REXO1: variants seen among roughly 807,000 people sequenced by gnomAD.
REXO1 encodes the protein REX1, RNA exonuclease 1 homolog.
REXO1 carries 42 observed loss-of-function variants against 102.6 expected under a neutral mutation model. The observed-to-expected ratio is 0.41, with a 90% CI of 0.32 to 0.53. The LOEUF (loss-of-function observed/expected upper bound fraction) is 0.53. Ranked by LOEUF, REXO1 falls within the 20% of genes least tolerant of loss-of-function variation. REXO1 has a pLI of 0.27. For synonymous variants in REXO1, 908 were observed against 779.1 expected, an observed-to-expected ratio of 1.17 and a Z score of -2.76; for missense variants, 1,819 against 1,732.5, an observed-to-expected ratio of 1.05 and a Z score of -0.89.
chr19:1,818,849 G>A lies in REXO1; in HGVS notation c.2765-6C>T. Reference sequence around the variant, plus strand: ...GCGGCTGTACAGGGCAGCCCCTGTGGACAGGCACAGTGGTCAGCCCCTGCC... The same window carrying A: ...GCGGCTGTACAGGGCAGCCCCTGTGAACAGGCACAGTGGTCAGCCCCTGCC... On this transcript the variant is annotated splice_region_variant and splice_polypyrimidine_tract_variant and intron_variant, in intron 8 of 15. Coordinates refer to ENST00000170168, the MANE Select transcript of REXO1 (RefSeq NM_020695.4). 1 of 1,609,166 alleles carries A rather than the reference G, an allele frequency of 6.2e-7. No individual in the cohort carries two copies. Among genetic ancestry groups the A allele is most frequent in the Non-Finnish European group, 8.5e-7 (1 of 1,179,466 alleles).
At chr19:1,840,291 C>T (rs1410988572) in intron 1 of REXO1, among the ~76,000 whole-genome samples, 2 of 152,186 alleles carry the variant, frequency 1.3e-5, no homozygotes, top group East Asian at 3.8e-4. Flanking sequence ...GAAGGAAACA[C>T]TGACCCAGAG....
chr19:1,820,502 G>A (rs1170768304), intron 5 of REXO1, 107 bp from the exon 6 acceptor site: 3 of 1,321,184 alleles, frequency 2.3e-6, no homozygotes, highest in Non-Finnish European at 3.2e-6. Context: ...AGAGTGAGGT[G>A]CGCTGGGACA....
rs2304614 is a variant in REXO1 at position 1,818,734 on chromosome 19, G to A, written c.2874C>T (p.Phe958=). ...CCTTGGGCCTCTTCTCCTCAGCTGT[G>A]AAGATGATTGCGCCCCCGGGCCGCT... is the stretch of plus-strand genomic sequence containing the variant. The part of the protein sequence containing the change: ...HPERPGGAII[F]TAEEKRPKDS... Residue 958 remains phenylalanine (F), a synonymous_variant, in exon 9 of 16, where the codon TTC becomes TTT. Transcript: ENST00000170168. 3.2e-4 allele frequency: 515 copies of A among 1,611,208 alleles called. 9 individuals carry two copies. In the East Asian group the frequency reaches 0.011, roughly 35 times the overall value.
intron 1 of REXO1, among the ~76,000 whole-genome samples, chr19:1,833,829 G>A (rs141049319): frequency 1.3e-5 from 2 of 152,246 alleles, no homozygotes; most frequent in African/African-American, 2.4e-5. Flanking sequence ...CCACTGTGGC[G>A]TGAGCTGCAG....
At chr19:1,816,643 C>A in intron 13 of REXO1, 55 bp downstream of exon 13, 1 of 1,590,882 alleles carries the variant, frequency 6.3e-7, no homozygotes, top group South Asian at 1.1e-5. Flanking sequence ...GAGGGTGGGT[C>A]CCTGGGGAGA....
rs556112794 is a variant in REXO1 at position 1,816,649 on chromosome 19, G to A, written c.3317+49C>T. On this transcript the variant is annotated intron_variant, in intron 13 of 15. Coordinates refer to ENST00000170168, the MANE Select transcript of REXO1 (RefSeq NM_020695.4). ...GGGGCGGGGGAGGGTGGGTCCCTGG[G>A]GAGAGGCGGCTGGGAGGGCTCCCAG... is the stretch of plus-strand genomic sequence containing the variant. 7.2e-5 allele frequency: 116 copies of A among 1,600,052 alleles called. No homozygotes were observed. The African/African-American group carries it at 1.3e-3, about 18-fold the overall frequency.
chr19:1,847,419 G>C (rs1381283353), intron 1 of REXO1, among the ~76,000 whole-genome samples: 1 of 152,166 alleles, frequency 6.6e-6, no homozygotes, highest in Non-Finnish European at 1.5e-5. Flanking sequence ...GAAGCAGAGA[G>C]CCACTATCAA....
rs945040661 is a variant in REXO1 at position 1,822,002 on chromosome 19, G to A, written c.2231-320C>T. ...GTCTGAGGGAAAGGCCCTGGCTCCCGGACAGAGGACCGAAGGGTCTCGGGT... is the reference window on the plus strand; with the variant it reads ...GTCTGAGGGAAAGGCCCTGGCTCCCAGACAGAGGACCGAAGGGTCTCGGGT... On this transcript the variant is annotated intron_variant, in intron 4 of 15. Transcript: ENST00000170168. 8.6e-5 allele frequency: 46 copies of A among 533,080 alleles called. 1 individual carries two copies. Among genetic ancestry groups the A allele is most frequent in the Middle Eastern group, 4.7e-4 (1 of 2,148 alleles). The allele number at this position is 533,080 out of a possible 1,614,324, so 33.0% of individuals were successfully genotyped here. A position where few individuals can be genotyped will look rare whatever the true frequency, so the allele number is the denominator to read the frequency against.
intron 1 of REXO1, among the ~76,000 whole-genome samples, chr19:1,830,114 C>T (rs536507006): frequency 6.6e-6 from 1 of 152,310 alleles, no homozygotes; most frequent in African/African-American, 2.4e-5. Flanking sequence ...CCGAAGGAGT[C>T]TAAAGAAAAC....
intron 4 of REXO1, 107 bp from the exon 5 acceptor site, chr19:1,821,789 C>T (rs763632581): frequency 8.8e-6 from 9 of 1,026,292 alleles, no homozygotes; most frequent in South Asian, 7.9e-5. Context: ...CGTGCATCTC[C>T]GCGTGCAGGG....
intron 7 of REXO1, among the ~76,000 whole-genome samples, chr19:1,819,524 G>A (rs1045181641): frequency 6.6e-6 from 1 of 152,346 alleles, no homozygotes; most frequent in African/African-American, 2.4e-5. Context: ...ATGCAGGCGG[G>A]GACGGGGGCA....
rs1355801987 is a variant in REXO1 at position 1,815,417 on chromosome 19, C to CA, written c.*648dup. 1.2e-5 allele frequency: 2 copies of CA among 167,030 alleles called. No homozygotes were observed. The highest frequency in any genetic ancestry group is 3.5e-4 in the East Asian group (2 of 5,658). 10.3% of individuals were successfully genotyped at this position (167,030 alleles called of 1,614,324 possible). A position where few individuals can be genotyped will look rare whatever the true frequency, so the allele number is the denominator to read the frequency against. On this transcript the variant is annotated 3_prime_UTR_variant, in exon 16 of 16. Coordinates refer to ENST00000170168, the MANE Select transcript of REXO1 (RefSeq NM_020695.4). The surrounding 1 kb of genome is among the most constrained non-coding windows in gnomAD (Gnocchi z 4.0). ...GCTAACGAGGGGCCAGCTGGGTTCT[C>CA]AGAGGTCACGGAGTGCAGGGGTGGG...
intron 1 of REXO1, among the ~76,000 whole-genome samples, chr19:1,836,952 T>C (rs1480737859): frequency 6.6e-6 from 1 of 151,924 alleles, no homozygotes; most frequent in East Asian, 1.9e-4. Flanking sequence ...GGGGCTTAGC[T>C]GGACAAAAAA....
rs373297661 is a variant in REXO1 at position 1,827,881 on chromosome 19, G to A, written c.908C>T (p.Thr303Met). The change falls in exon 2 of 16, where the codon ACG (threonine) becomes ATG (methionine). Residue 303 changes from threonine (T) to methionine (M), a missense_variant. Transcript: ENST00000170168. ...GGCCCTGGCTTTGGGGGTGCTGGCCGTGGTGGGCTCGTTACCTGGGACCGT... is the reference window on the plus strand; with the variant it reads ...GGCCCTGGCTTTGGGGGTGCTGGCCATGGTGGGCTCGTTACCTGGGACCGT... ...AATVPGNEPTTASTPKARADP... is the reference protein window; with the variant it reads ...AATVPGNEPTMASTPKARADP... 4.5e-5 allele frequency: 73 copies of A among 1,613,568 alleles called. No individual in the cohort carries two copies. The highest frequency in any genetic ancestry group is 2.0e-4 in the East Asian group (9 of 44,876).
At position 1,817,586 on chromosome 19, in the gene REXO1, G is replaced by C. The variant is rs1379988468; in HGVS notation, c.3090+121C>G. Reference sequence around the variant, plus strand: ...ACGTTCTCTGGGTAACACAAGAAAGGCTGCCCGGGGGCCCAGACCCTGAGC... The same window carrying C: ...ACGTTCTCTGGGTAACACAAGAAAGCCTGCCCGGGGGCCCAGACCCTGAGC... On this transcript the variant is annotated intron_variant, in intron 11 of 15. Coordinates refer to ENST00000170168, the MANE Select transcript of REXO1 (RefSeq NM_020695.4). 5 of 1,437,202 alleles carry C rather than the reference G, an allele frequency of 3.5e-6. No homozygotes were observed. The African/African-American group carries it at 5.7e-5, about 16-fold the overall frequency. 89.0% of individuals were successfully genotyped at this position (1,437,202 alleles called of 1,614,324 possible).
rs148578959 is a variant in REXO1, at chr19:1,818,752, G to A, written c.2856C>T (p.Pro952=). The part of the protein sequence containing the change: ...NGYPFPHPER[P]GGAIIFTAEE... The stretch of plus-strand genomic sequence containing the variant: ...CAGCTGTGAAGATGATTGCGCCCCC[G>A]GGCCGCTCTGGGTGCGGGAAGGGGT... Residue 952 remains proline, a synonymous_variant, in exon 9 of 16, where the codon CCC becomes CCT. Transcript: ENST00000170168. The A allele has an allele frequency of 1.1e-4, 185 of 1,610,590 alleles. No homozygotes were observed. The highest frequency in any genetic ancestry group is 5.3e-4 in the African/African-American group (40 of 74,908).
chr19:1,831,845 C>CAAAAAAAAAAA (rs745676775), intron 1 of REXO1, among the ~76,000 whole-genome samples: 1 of 51,314 alleles, frequency 1.9e-5, no homozygotes, highest in Non-Finnish European at 4.1e-5. Context: ...AACTCCATCT[C>CAAAAAAAAAAA]AAAAAAAAAA....
Position 1,827,300 on chromosome 19 carries a change from C to T in REXO1, c.1489G>A (p.Ala497Thr). ...GAGGCGCCCTCGTCTAGTGAGCGGG[C>T]TTTCCGCTCCACTAGCTTCCCCGAC... ...APSGKLVERKARSLDEGASQD... is the reference protein window; with the variant it reads ...APSGKLVERKTRSLDEGASQD... Residue 497 changes from alanine (A) to threonine (T), a missense_variant, in exon 2 of 16, where the codon GCC becomes ACC. Ala to Thr is a moderately conservative substitution (Grantham distance 58). Coordinates refer to ENST00000170168, the MANE Select transcript of REXO1 (RefSeq NM_020695.4). The T allele has an allele frequency of 1.3e-6, 2 of 1,563,592 alleles. No homozygotes were observed. Among genetic ancestry groups the T allele is most frequent in the Non-Finnish European group, 1.7e-6 (2 of 1,160,180 alleles).
intron 3 of REXO1, among the ~76,000 whole-genome samples, chr19:1,824,810 G>C (rs1010120514): frequency 6.6e-6 from 1 of 152,104 alleles, no homozygotes; most frequent in Non-Finnish European, 1.5e-5. Flanking sequence ...TTTTGAGACA[G>C]AGTCTTGCCT....
Sources: allele counts gnomAD v4.1 joint callset (sites outside exome capture counted in the v4.1 genomes callset), GRCh38; gene constraint gnomAD v4.1.1; non-coding constraint Gnocchi (gnomAD v3.1); transcripts MANE v1.5; gene names NCBI Gene and HGNC (gene_info 2026-07-23, HGNC 2026-07-21).